Variants in CHRM5 observed in about 807,000 individuals in gnomAD.
CHRM5 encodes muscarinic acetylcholine receptor M5.
In CHRM5, 18 loss-of-function variants were observed where a neutral mutation model predicts 39.0. That is an observed-to-expected ratio of 0.46 (90% confidence interval 0.32 to 0.68). The LOEUF is 0.68. Among genes scored for constraint, CHRM5 ranks in the 30% least tolerant of loss-of-function variants. The pLI, the probability that CHRM5 is intolerant of heterozygous loss-of-function variation, is 0.04. For synonymous variants in CHRM5, 241 were observed against 246.3 expected (o/e 0.98, Z 0.20); for missense variants, 515 against 651.1 (o/e 0.79, Z 2.28).
intron 1 of CHRM5, among the ~76,000 whole-genome samples, chr15:33,970,500 G>A (rs369338086): frequency 6.6e-6 from 1 of 151,808 alleles, no homozygotes; most frequent in East Asian, 1.9e-4. Flanking sequence ...AAAAGTTAAG[G>A]GTGGTATTGT....
chr15:33,976,961 G>T (rs1444906713), intron 1 of CHRM5, among the ~76,000 whole-genome samples: 1 of 152,094 alleles, frequency 6.6e-6, no homozygotes, highest in Non-Finnish European at 1.5e-5. Flanking sequence ...GGGTCCCTTG[G>T]GAAGGAAACC....
chr15:33,988,113 G>A (rs1417731537), intron 1 of CHRM5, among the ~76,000 whole-genome samples: 2 of 152,248 alleles, frequency 1.3e-5, no homozygotes, highest in African/African-American at 4.8e-5. Context: ...CCTGCCTCCA[G>A]CCCAAAGGCA....
chr15:34,022,197 A>G (rs1316647512), intron 1 of CHRM5, among the ~76,000 whole-genome samples: 1 of 152,228 alleles, frequency 6.6e-6, no homozygotes, highest in Non-Finnish European at 1.5e-5. Flanking sequence ...GAATGGCATC[A>G]TGGCCCCATG....
chr15:34,053,318 A>AGT (rs1209550558), intron 2 of CHRM5, among the ~76,000 whole-genome samples: 1 of 101,986 alleles, frequency 9.8e-6, no homozygotes, highest in Admixed American at 1.2e-4. Context: ...AAAAAAAAAA[A>AGT]AATATATATA....
intron 1 of CHRM5, among the ~76,000 whole-genome samples, chr15:34,011,130 T>C (rs1341674846): frequency 6.6e-6 from 1 of 152,096 alleles, no homozygotes; most frequent in African/African-American, 2.4e-5. Context: ...AGCTCAAGGC[T>C]GCAGTAAGCT....
At chr15:33,979,260 G>T (rs975231242) in intron 1 of CHRM5, among the ~76,000 whole-genome samples, 2 of 152,166 alleles carry the variant, frequency 1.3e-5, no homozygotes, top group African/African-American at 4.8e-5. Context: ...GGTGTCCCAT[G>T]CCTGCAATCC....
chr15:34,063,692 C>T lies in CHRM5; in HGVS notation c.975C>T (p.Tyr325=), dbSNP rs905170400. ...CTGACCCTGTCCTCCAAGTGGTCTA[C>T]AAGAGTCAGGGTAAGGAAAGCCCAG... The part of the protein sequence containing the change: ...PATDPVLQVV[Y]KSQGKESPGE... The change falls in exon 3 of 3, where the codon TAC becomes TAT. Residue 325 remains tyrosine, a synonymous_variant. Coordinates refer to ENST00000383263, the MANE Select transcript of CHRM5 (RefSeq NM_012125.4). The surrounding 1 kb of genome is among the most constrained non-coding windows in gnomAD (Gnocchi z 4.1). 4.3e-6 allele frequency: 7 copies of T among 1,614,050 alleles called. No individual in the cohort carries two copies. The highest frequency in any genetic ancestry group is 4.0e-5 in the African/African-American group (3 of 74,912).
chr15:34,026,933 G>C (rs1336504052), intron 1 of CHRM5, among the ~76,000 whole-genome samples: 2 of 152,182 alleles, frequency 1.3e-5, no homozygotes, highest in Non-Finnish European at 2.9e-5. Context: ...GACATGATGT[G>C]TTTTGTCCCA....
chr15:33,970,579 T>C (rs1022730849), intron 1 of CHRM5, among the ~76,000 whole-genome samples: 2 of 151,980 alleles, frequency 1.3e-5, no homozygotes, highest in African/African-American at 4.8e-5. Context: ...CTCCTTATTA[T>C]GGTATTACAG....
At chr15:33,990,412 C>T (rs1300241884) in intron 1 of CHRM5, among the ~76,000 whole-genome samples, 1 of 151,780 alleles carries the variant, frequency 6.6e-6, no homozygotes, top group Non-Finnish European at 1.5e-5. Context: ...GAATGTAGTA[C>T]CCAGATGATT....
intron 1 of CHRM5, among the ~76,000 whole-genome samples, chr15:34,007,895 C>T (rs1440043140): frequency 2.6e-5 from 4 of 152,190 alleles, no homozygotes; most frequent in Non-Finnish European, 5.9e-5. Flanking sequence ...GCCATTTTCA[C>T]ATGGCATTTT....
At chr15:34,008,483 CTTTTTTTTTTTTTT>C (rs200355232) in intron 1 of CHRM5, among the ~76,000 whole-genome samples, 13 of 119,216 alleles carry the variant, frequency 1.1e-4, no homozygotes, top group South Asian at 8.0e-4. Context: ...GATGAAAAAC[CTTTTTTTTTTTTTT>C]TTTTTTTTTG....
At chr15:34,061,893 G>A (rs776824275) in intron 2 of CHRM5, among the ~76,000 whole-genome samples, 45 of 152,074 alleles carry the variant, frequency 3.0e-4, no homozygotes, top group Non-Finnish European at 5.9e-5. Context: ...ATCAAGACTG[G>A]GACTATAGAA....
intron 1 of CHRM5, among the ~76,000 whole-genome samples, chr15:34,006,749 A>G (rs1201851340): frequency 1.3e-5 from 2 of 151,878 alleles, no homozygotes; most frequent in Non-Finnish European, 1.5e-5. Context: ...GCAGAGACAG[A>G]GTTGTCATTA....
At chr15:34,003,212 G>A in intron 1 of CHRM5, 7 of 1,612,348 alleles carry the variant, frequency 4.3e-6, no homozygotes, top group Non-Finnish European at 5.9e-6. Flanking sequence ...TCTTCAACCT[G>A]CAATCATTAG....
chr15:34,030,210 C>T (rs920536065), intron 1 of CHRM5, among the ~76,000 whole-genome samples: 3 of 152,102 alleles, frequency 2.0e-5, no homozygotes, highest in Non-Finnish European at 2.9e-5. Context: ...GCTGAGATCA[C>T]ACCACTGCAT....
Position 34,064,339 on chromosome 15 carries a change from A to G in CHRM5, c.*23A>G. On this transcript the variant is annotated 3_prime_UTR_variant, in exon 3 of 3. Coordinates refer to ENST00000383263, the MANE Select transcript of CHRM5 (RefSeq NM_012125.4). ...TGAAAAGTCAACAACTCCTCTCGAAAGAACAATGACCACAGTCAACATCCT... is the reference window on the plus strand; with the variant it reads ...TGAAAAGTCAACAACTCCTCTCGAAGGAACAATGACCACAGTCAACATCCT... 14 of 1,593,500 alleles carry G rather than the reference A, an allele frequency of 8.8e-6. No individual in the cohort carries two copies. Among genetic ancestry groups the G allele is most frequent in the Non-Finnish European group, 1.2e-5 (14 of 1,170,718 alleles).
intron 1 of CHRM5, chr15:33,991,478 T>C (rs932492871): frequency 3.1e-4 from 47 of 150,610 alleles, no homozygotes; most frequent in African/African-American, 1.1e-3. Context: ...AATATATATA[T>C]CTACTACGGA....
At chr15:33,973,671 A>G (rs1325698532) in intron 1 of CHRM5, among the ~76,000 whole-genome samples, 1 of 152,204 alleles carries the variant, frequency 6.6e-6, no homozygotes, top group African/African-American at 2.4e-5. Flanking sequence ...GCAAGACTCC[A>G]TCTCTATAAA....
Sources: allele counts gnomAD v4.1 joint callset (sites outside exome capture counted in the v4.1 genomes callset), GRCh38; gene constraint gnomAD v4.1.1; non-coding constraint Gnocchi (gnomAD v3.1); transcripts MANE v1.5; gene names NCBI Gene and HGNC (gene_info 2026-07-23, HGNC 2026-07-21).